The following RBM23 variants were observed in gnomAD, a reference collection of about 807,000 sequenced individuals.
RBM23 encodes the protein probable RNA-binding protein 23.
Under a neutral mutation model 56.2 loss-of-function variants are expected in RBM23, and 53 were observed. The observed-to-expected ratio is 0.94, with a 90% confidence interval of 0.76 to 1.19. RBM23 has a LOEUF of 1.19. Ranked by LOEUF, RBM23 falls within the 50% of genes most tolerant of loss-of-function variation. The pLI is 0.00. For missense variants in RBM23, 642 were observed against 590.3 expected, an observed-to-expected ratio of 1.09 and a Z score of -0.91; for synonymous variants, 197 against 198.5, an observed-to-expected ratio of 0.99 and a Z score of 0.06.
intron 10 of RBM23, chr14:22,903,607 A>G: frequency 1.0e-6 from 1 of 991,662 alleles, no homozygotes; most frequent in Non-Finnish European, 1.2e-6. Context: ...CCTGTGGGTC[A>G]CTGTGGGAGT....
chr14:22,902,711 G>A, intron 10 of RBM23: 1 of 1,025,924 alleles, frequency 9.7e-7, no homozygotes, highest in Non-Finnish European at 1.2e-6. Context: ...TAAGAACAAG[G>A]CTCCTGGGCT....
intron 4 of RBM23, among the ~76,000 whole-genome samples, chr14:22,907,524 C>T (rs1477354597): frequency 1.3e-5 from 2 of 152,088 alleles, no homozygotes; most frequent in Admixed American, 1.3e-4. Flanking sequence ...TTGATCTTTA[C>T]AAATTATATG....
At chr14:22,911,505 T>C (rs2042516145) in intron 1 of RBM23, 102 bp from the exon 2 acceptor site, 4 of 938,816 alleles carry the variant, frequency 4.3e-6, no homozygotes, top group Middle Eastern at 2.7e-4. Context: ...CTTCAGGATA[T>C]ACAGATTTCA....
intron 3 of RBM23, chr14:22,908,870 C>A (rs1234657023): frequency 6.5e-6 from 1 of 154,938 alleles, no homozygotes; most frequent in African/African-American, 2.4e-5. Context: ...TGAAAGCTGT[C>A]AGGCATCTGA....
At chr14:22,914,323 C>T in intron 1 of RBM23, among the ~76,000 whole-genome samples, 1 of 87,814 alleles carries the variant, frequency 1.1e-5, no homozygotes, top group African/African-American at 5.0e-5. Flanking sequence ...GACTCTGTCT[C>T]AAAAAAAAAA....
chr14:22,914,448 C>T (rs1285430052), intron 1 of RBM23, among the ~76,000 whole-genome samples: 3 of 151,682 alleles, frequency 2.0e-5, no homozygotes, highest in Admixed American at 6.6e-5. Context: ...GCCAAGATCA[C>T]GCCATTGCAC....
In RBM23 at chr14:22,905,461, G is replaced by A. The variant is rs577779135; in HGVS notation, c.456-8C>T. 3.7e-6 allele frequency: 6 copies of A among 1,613,890 alleles called. No individual in the cohort carries two copies. Among genetic ancestry groups the A allele is most frequent in the South Asian group, 1.1e-5 (1 of 91,084 alleles). ...AGATTATCAACTGGCTCCCTGAAGA[G>A]TGAAATGTGTTGAGACCAGCCCTCC... On this transcript the variant is annotated splice_region_variant and splice_polypyrimidine_tract_variant and intron_variant, in intron 6 of 13. Transcript: ENST00000359890.
intron 1 of RBM23, among the ~76,000 whole-genome samples, chr14:22,914,986 CAAAAAA>C: frequency 9.8e-6 from 1 of 101,944 alleles, no homozygotes; most frequent in South Asian, 3.1e-4. Context: ...GACTCCATCT[CAAAAAA>C]AAAAAAAAAA....
chr14:22,902,430 C>G, intron 10 of RBM23, 48 bp from the exon 11 acceptor site: 1 of 1,585,890 alleles, frequency 6.3e-7, no homozygotes, highest in East Asian at 2.3e-5. Context: ...CAAAGACATG[C>G]TCTCAAAGAC....
intron 11 of RBM23, 36 bp from the exon 12 acceptor site, chr14:22,902,135 C>T (rs766526720): frequency 6.2e-7 from 1 of 1,605,254 alleles, no homozygotes; most frequent in Non-Finnish European, 8.5e-7. Context: ...TAAGCCCCAA[C>T]CCTTCATCTA....
rs1283645448 is a variant in RBM23, at chr14:22,900,584, A to AC, written c.*1145dup. On this transcript the variant is annotated 3_prime_UTR_variant, in exon 14 of 14. Coordinates refer to ENST00000359890, the MANE Select transcript of RBM23 (RefSeq NM_001077351.2). ...AGTGTAATGCAGATACAGAATGGGA[A>AC]CCCCACCCAGGTGTGAGTTTTCATT... 1 of 152,044 alleles carries AC rather than the reference A, an allele frequency of 6.6e-6. No homozygotes were observed. Among genetic ancestry groups the AC allele is most frequent in the African/African-American group, 2.4e-5 (1 of 41,380 alleles). 9.4% of individuals were successfully genotyped at this position (152,044 alleles called of 1,614,324 possible). A position where few individuals can be genotyped will look rare whatever the true frequency, so the allele number is the denominator to read the frequency against.
chr14:22,906,882 C>T (rs8019902), intron 4 of RBM23, among the ~76,000 whole-genome samples: 85,450 of 151,218 alleles, frequency 0.57, 25,004 homozygotes, highest in East Asian at 0.79. Context: ...CTACTAAAAA[C>T]ACAAAATTAG....
intron 10 of RBM23, 122 bp from the exon 11 acceptor site, chr14:22,902,504 T>C (rs946796654): frequency 2.8e-5 from 40 of 1,428,814 alleles, no homozygotes; most frequent in Non-Finnish European, 3.7e-5. Flanking sequence ...TACAAACTTT[T>C]CTTTCCCAGA....
At chr14:22,905,874 T>C in intron 5 of RBM23, 1 of 600,912 alleles carries the variant, frequency 1.7e-6, no homozygotes. Flanking sequence ...TCAGCCTCCT[T>C]GTGTGGCTAG....
At chr14:22,904,072 T>C (rs1294048239) in intron 10 of RBM23, 189 bp downstream of exon 10, 3 of 1,522,736 alleles carry the variant, frequency 2.0e-6, no homozygotes, top group South Asian at 1.2e-5. Context: ...TGACAGAGTG[T>C]AGGAGCAAAG....
At chr14:22,902,610 T>C (rs548479233) in intron 10 of RBM23, 1 of 1,267,676 alleles carries the variant, frequency 7.9e-7, no homozygotes, top group East Asian at 3.0e-5. Context: ...TTCAGCTCCA[T>C]TAAGAATCTA....
intron 10 of RBM23, chr14:22,903,760 G>C: frequency 1.0e-6 from 1 of 1,001,394 alleles, no homozygotes; most frequent in Non-Finnish European, 1.2e-6. Context: ...GTCAGGAAAA[G>C]GTGAAGCTTG....
In RBM23 at chr14:22,902,471, G is replaced by A. The variant is rs375903046; in HGVS notation, c.931-89C>T. 7.4e-6 allele frequency: 11 copies of A among 1,480,446 alleles called. No homozygotes were observed. In the East Asian group the frequency reaches 2.4e-4, roughly 32 times the overall value. 91.7% of individuals were successfully genotyped at this position (1,480,446 alleles called of 1,614,324 possible). On this transcript the variant is annotated intron_variant, in intron 10 of 13. Transcript: ENST00000359890. ...AACACTCCCTAGTCCTACTATCCCA[G>A]GAAAATTGTATGCTCACTGAGGTAC...
intron 2 of RBM23, among the ~76,000 whole-genome samples, chr14:22,910,666 C>T (rs889563158): frequency 1.3e-5 from 2 of 151,566 alleles, no homozygotes; most frequent in East Asian, 1.9e-4. Flanking sequence ...CCTGGGAGCT[C>T]GAGACCAGCC....
Sources: gnomAD v4.1 joint callset for allele counts (sites outside exome capture counted in the v4.1 genomes callset) on GRCh38, gnomAD v4.1.1 for gene constraint, MANE v1.5 for transcripts, NCBI Gene and HGNC (gene_info 2026-07-23, HGNC 2026-07-21) for gene names.